The following TET1 variants were observed in gnomAD, a reference collection of about 807,000 sequenced individuals.
TET1 encodes methylcytosine dioxygenase TET1.
Under a neutral mutation model 148.7 loss-of-function variants are expected in TET1, and 13 were observed. The ratio of observed to expected loss-of-function variants is 0.09; its 90% CI spans 0.06 to 0.14. The LOEUF (loss-of-function observed/expected upper bound fraction) is 0.14, where lower values mean the gene tolerates loss of function less well. Among genes scored for constraint, TET1 ranks in the 10% least tolerant of loss-of-function variants. The probability of loss-of-function intolerance (pLI) is 1.00; values close to 1 mark genes in which losing one functional copy is unlikely to be tolerated. For synonymous variants in TET1, 907 were observed against 937.2 expected, an observed-to-expected ratio of 0.97 and a Z score of 0.59; for missense variants, 2,182 against 2,553.8, an observed-to-expected ratio of 0.85 and a Z score of 3.14.
At chr10:68,672,223 C>T (rs918831645) in intron 7 of TET1, among the ~76,000 whole-genome samples, 4 of 151,950 alleles carry the variant, frequency 2.6e-5, no homozygotes, top group African/African-American at 9.7e-5. Flanking sequence ...TCTGTCCAGG[C>T]TCAGTGCCTC....
At chr10:68,579,261 C>T (rs1036140570) in intron 2 of TET1, among the ~76,000 whole-genome samples, 18 of 152,182 alleles carry the variant, frequency 1.2e-4, no homozygotes, top group Non-Finnish European at 1.5e-5. Flanking sequence ...TTTCTCAAAC[C>T]TGCTCTTTCT....
chr10:68,689,760 C>A (rs1160436527), intron 11 of TET1, among the ~76,000 whole-genome samples: 7 of 142,546 alleles, frequency 4.9e-5, no homozygotes, highest in African/African-American at 1.8e-4. Context: ...GCCTGGGCAA[C>A]AGAGCGAGAC....
intron 1 of TET1, among the ~76,000 whole-genome samples, chr10:68,567,071 A>G (rs1487711920): frequency 6.6e-6 from 1 of 152,190 alleles, no homozygotes; most frequent in Non-Finnish European, 1.5e-5. Flanking sequence ...AACTGAACCC[A>G]GGTCAGCCTA....
chr10:68,687,658 G>A (rs1203384409), intron 11 of TET1, among the ~76,000 whole-genome samples: 1 of 151,742 alleles, frequency 6.6e-6, no homozygotes, highest in East Asian at 2.0e-4. Context: ...GCGTGATCAT[G>A]GCTCACCACA....
intron 3 of TET1, among the ~76,000 whole-genome samples, chr10:68,620,420 G>A (rs948801558): frequency 2.0e-5 from 3 of 152,118 alleles, no homozygotes; most frequent in Non-Finnish European, 2.9e-5. Context: ...CATATAGTAC[G>A]TGATACTTAG....
chr10:68,560,935 C>CTT (rs996731936), intron 1 of TET1, among the ~76,000 whole-genome samples, 193 bp downstream of exon 1: 1 of 152,178 alleles, frequency 6.6e-6, no homozygotes, highest in African/African-American at 2.4e-5. Flanking sequence ...GCTCGGGACG[C>CTT]TTTTGTTGCC....
At chr10:68,611,415 C>T (rs1477957378) in intron 3 of TET1, among the ~76,000 whole-genome samples, 2 of 151,876 alleles carry the variant, frequency 1.3e-5, no homozygotes, top group Non-Finnish European at 2.9e-5. Flanking sequence ...AGCTCAAGAC[C>T]GTGGTATGCT....
intron 3 of TET1, among the ~76,000 whole-genome samples, chr10:68,624,646 TTCTTTCTTTCTTTCTCTCTC>T (rs1348410212): frequency 2.6e-4 from 14 of 54,056 alleles, no homozygotes; most frequent in African/African-American, 1.3e-3. Flanking sequence ...CTTTCTTTCT[TTCTTTCTTTCTTTCTCTCTC>T]TCTCTCTCTC....
intron 11 of TET1, among the ~76,000 whole-genome samples, chr10:68,687,149 C>T (rs1377039887): frequency 1.2e-4 from 18 of 148,260 alleles, no homozygotes; most frequent in Non-Finnish European, 2.7e-4. Context: ...CCCCCGCCCC[C>T]GCCTTGGCCT....
At chr10:68,638,242 T>C (rs1290812295) in intron 3 of TET1, among the ~76,000 whole-genome samples, 1 of 152,102 alleles carries the variant, frequency 6.6e-6, no homozygotes, top group Admixed American at 6.6e-5. Flanking sequence ...AAGGCACCAG[T>C]GGTTGTCTCT....
intron 2 of TET1, among the ~76,000 whole-genome samples, chr10:68,584,896 C>T (rs1030016962): frequency 1.5e-4 from 23 of 151,762 alleles, no homozygotes; most frequent in African/African-American, 5.3e-4. Context: ...TCTAAGCTCA[C>T]TGCAACCTCC....
In TET1 at chr10:68,655,093, C is replaced by G. The variant is rs2055002679; in HGVS notation, c.4461+2499C>G. ...GCCAGGAGTTCAAGGTCACAGTGTA[C>G]TATGGTGGCTCCTGTGAATCCATAG... On this transcript the variant is annotated intron_variant, in intron 6 of 11. Transcript: ENST00000373644. Among the ~76,000 whole-genome samples, 3 of 152,174 alleles carry G rather than the reference C, an allele frequency of 2.0e-5. No individual in the cohort carries two copies. In the South Asian group the frequency reaches 6.2e-4, roughly 32 times the overall value.
chr10:68,580,953 G>T (rs1371290821), intron 2 of TET1, among the ~76,000 whole-genome samples: 1 of 151,962 alleles, frequency 6.6e-6, no homozygotes, highest in Non-Finnish European at 1.5e-5. Flanking sequence ...CTTGGTGGCA[G>T]TGAGACTGTG....
chr10:68,590,423 C>T (rs2053906360), intron 2 of TET1, among the ~76,000 whole-genome samples: 1 of 152,128 alleles, frequency 6.6e-6, no homozygotes, highest in Admixed American at 6.5e-5. Flanking sequence ...TGAGCCACCA[C>T]ACCCAGCTAC....
At chr10:68,634,311 C>T (rs1297166659) in intron 3 of TET1, among the ~76,000 whole-genome samples, 1 of 152,196 alleles carries the variant, frequency 6.6e-6, no homozygotes, top group Non-Finnish European at 1.5e-5. Context: ...AAGAGCAATG[C>T]TATACTCCTA....
At chr10:68,625,196 A>C (rs553414618) in intron 3 of TET1, among the ~76,000 whole-genome samples, 1 of 152,290 alleles carries the variant, frequency 6.6e-6, no homozygotes, top group Non-Finnish European at 1.5e-5. Context: ...TTGAATTTCT[A>C]CTAGCCAAGT....
intron 3 of TET1, among the ~76,000 whole-genome samples, chr10:68,642,613 T>C (rs890673259): frequency 7.3e-5 from 11 of 150,954 alleles, no homozygotes; most frequent in Non-Finnish European, 1.3e-4. Context: ...CTTTTCTTCT[T>C]TTTTTTTTGA....
chr10:68,652,052 G>A, intron 5 of TET1, 116 bp downstream of exon 5: 1 of 966,090 alleles, frequency 1.0e-6, no homozygotes, highest in South Asian at 1.7e-5. Context: ...GTATGAGTTG[G>A]ATGTTTCTTA....
chr10:68,619,660 A>G (rs1182290889), intron 3 of TET1, among the ~76,000 whole-genome samples: 2 of 152,162 alleles, frequency 1.3e-5, no homozygotes, highest in African/African-American at 4.8e-5. Context: ...TAATTAACAT[A>G]TTTATCACCT....
Sources: gnomAD v4.1 joint callset for allele counts (sites outside exome capture counted in the v4.1 genomes callset) on GRCh38, gnomAD v4.1.1 for gene constraint, MANE v1.5 for transcripts, NCBI Gene and HGNC (gene_info 2026-07-23, HGNC 2026-07-21) for gene names.